VPS8: variants seen among roughly 807,000 people sequenced by gnomAD.
VPS8 encodes the protein VPS8 subunit of CORVET complex.
Under a neutral mutation model 216.4 loss-of-function variants are expected in VPS8, and 129 were observed. The observed-to-expected ratio is 0.60, with a 90% CI of 0.52 to 0.69. The LOEUF is 0.69. VPS8 is among the 30% of genes least tolerant of loss of function. VPS8 has a pLI of 0.00. For missense variants in VPS8, 1,531 were observed against 1,683.5 expected (o/e 0.91, Z 1.59); for synonymous variants, 571 against 565.4 (o/e 1.01, Z -0.14).
At chr3:185,006,929 CAATAGTTACCCT>C (rs1754341892) in intron 45 of VPS8, among the ~76,000 whole-genome samples, 1 of 152,202 alleles carries the variant, frequency 6.6e-6, no homozygotes, top group Non-Finnish European at 1.5e-5. Context: ...CTACAGGATG[CAATAGTTACCCT>C]CAAAACTATG....
chr3:184,858,132 G>T (rs1270297957), intron 14 of VPS8, among the ~76,000 whole-genome samples: 1 of 152,072 alleles, frequency 6.6e-6, no homozygotes, highest in East Asian at 1.9e-4. Context: ...TCAGGTGGTC[G>T]GGTGTATCTT....
chr3:184,964,147 A>G (rs1746996227), intron 37 of VPS8, among the ~76,000 whole-genome samples: 1 of 152,054 alleles, frequency 6.6e-6, no homozygotes, highest in African/African-American at 2.4e-5. Flanking sequence ...TAATAATTAT[A>G]CTTGATCAAG....
At position 184,920,118 on chromosome 3, in the gene VPS8, C is replaced by T. The variant is rs1426305196; in HGVS notation, c.2383-9C>T. 1 of 1,502,572 alleles carries T rather than the reference C, an allele frequency of 6.7e-7. No individual in the cohort carries two copies. Among genetic ancestry groups the T allele is most frequent in the Non-Finnish European group, 8.9e-7 (1 of 1,124,346 alleles). 93.1% of individuals were successfully genotyped at this position (1,502,572 alleles called of 1,614,324 possible). A position where few individuals can be genotyped will look rare whatever the true frequency, so the allele number is the denominator to read the frequency against. On this transcript the variant is annotated splice_polypyrimidine_tract_variant and intron_variant, in intron 28 of 47. Transcript: ENST00000625842. ...TAATTACTTTAAAAAATTTATTTCT[C>T]CCTTTTAGACTTTTGAAGATTTTAA...
chr3:184,851,619 AG>A (rs1200629312), intron 10 of VPS8, among the ~76,000 whole-genome samples: 1 of 152,180 alleles, frequency 6.6e-6, no homozygotes, highest in African/African-American at 2.4e-5. Flanking sequence ...GCACACACCT[AG>A]GGTATATGCT....
chr3:184,882,239 A>C (rs1008423072), intron 21 of VPS8: 5 of 359,250 alleles, frequency 1.4e-5, no homozygotes, highest in Admixed American at 1.1e-4. Context: ...AAGTTGAGGA[A>C]GTTCCCCTCT....
At chr3:184,974,794 C>A (rs1748994566) in intron 40 of VPS8, among the ~76,000 whole-genome samples, 1 of 152,268 alleles carries the variant, frequency 6.6e-6, no homozygotes, top group Non-Finnish European at 1.5e-5. Flanking sequence ...GTTTACCCAA[C>A]ACCATTTACT....
intron 14 of VPS8, among the ~76,000 whole-genome samples, chr3:184,856,170 G>A (rs2108687219): frequency 6.6e-6 from 1 of 152,322 alleles, no homozygotes; most frequent in Non-Finnish European, 1.5e-5. Flanking sequence ...CCTCTACACT[G>A]TGATGGGCAC....
In VPS8 at chr3:184,999,981, C is replaced by T. The variant is rs1010982589; in HGVS notation, c.4002+120C>T. 2.7e-5 allele frequency: 30 copies of T among 1,120,752 alleles called. No individual in the cohort carries two copies. The South Asian group carries it at 4.9e-4, about 18-fold the overall frequency. 69.4% of individuals were successfully genotyped at this position (1,120,752 alleles called of 1,614,324 possible). ...AAATTTACCTGGTGGGTATTGGGTA[C>T]ATGAAATGTTCTTTTCAGTCCTATT... On this transcript the variant is annotated intron_variant, in intron 45 of 47. Transcript: ENST00000625842.
intron 1 of VPS8, among the ~76,000 whole-genome samples, chr3:184,819,584 A>G (rs1439759362): frequency 6.6e-6 from 1 of 152,240 alleles, no homozygotes; most frequent in Non-Finnish European, 1.5e-5. Flanking sequence ...ATATATTGGA[A>G]TGAAGGGCCT....
chr3:184,863,105 C>T (rs1726675422), intron 16 of VPS8, 38 bp downstream of exon 16: 2 of 1,596,742 alleles, frequency 1.3e-6, no homozygotes, highest in South Asian at 2.2e-5. Context: ...CTAGAAAATA[C>T]TTTGATAAAC....
intron 42 of VPS8, among the ~76,000 whole-genome samples, chr3:184,993,038 A>T (rs1288838918): frequency 4.6e-5 from 7 of 152,180 alleles, no homozygotes; most frequent in African/African-American, 1.7e-4. Flanking sequence ...TGAATAAAAC[A>T]TGATATTTTC....
chr3:184,829,469 G>GC (rs911890959), intron 3 of VPS8, among the ~76,000 whole-genome samples: 1 of 152,164 alleles, frequency 6.6e-6, no homozygotes, highest in African/African-American at 2.4e-5. Flanking sequence ...GCCTGCCTTG[G>GC]CCCCCCAGAG....
intron 3 of VPS8, among the ~76,000 whole-genome samples, chr3:184,828,320 G>C (rs1017234797): frequency 3.3e-5 from 5 of 152,030 alleles, no homozygotes; most frequent in African/African-American, 1.2e-4. Flanking sequence ...TTATATTTTA[G>C]TAGAGACGGG....
At chr3:184,866,138 G>A (rs1279718829) in intron 16 of VPS8, among the ~76,000 whole-genome samples, 1 of 152,144 alleles carries the variant, frequency 6.6e-6, no homozygotes, top group Non-Finnish European at 1.5e-5. Flanking sequence ...ACCGAAGAGT[G>A]AAAACAATCT....
intron 43 of VPS8, among the ~76,000 whole-genome samples, chr3:184,994,486 C>G (rs1752352870): frequency 2.3e-5 from 1 of 43,476 alleles, no homozygotes; most frequent in African/African-American, 4.6e-5. Context: ...AGACCCTTCT[C>G]TGAAAAAAAA....
At chr3:184,867,074 C>CACAAAGGG in intron 17 of VPS8, 124 bp downstream of exon 17, 1 of 805,424 alleles carries the variant, frequency 1.2e-6, no homozygotes, top group Non-Finnish European at 1.9e-6. Context: ...ATCCTAAACC[C>CACAAAGGG]TTTGTGGTTA....
chr3:184,959,392 T>G (rs1258492224), intron 37 of VPS8, among the ~76,000 whole-genome samples: 1 of 152,148 alleles, frequency 6.6e-6, no homozygotes, highest in Non-Finnish European at 1.5e-5. Flanking sequence ...CTCATGAAAA[T>G]AACTATATTG....
chr3:184,986,239 C>T (rs1442071984), intron 42 of VPS8, among the ~76,000 whole-genome samples: 2 of 152,078 alleles, frequency 1.3e-5, no homozygotes, highest in African/African-American at 2.4e-5. Flanking sequence ...TCTATATACA[C>T]AAAGACTTTG....
chr3:184,909,180 C>T (rs1203590249), intron 25 of VPS8, among the ~76,000 whole-genome samples: 1 of 152,200 alleles, frequency 6.6e-6, no homozygotes, highest in African/African-American at 2.4e-5. Flanking sequence ...TATTGGTTTT[C>T]AAAACTACAG....
Sources: gnomAD v4.1 joint callset for allele counts (sites outside exome capture counted in the v4.1 genomes callset) on GRCh38, gnomAD v4.1.1 for gene constraint, MANE v1.5 for transcripts, NCBI Gene and HGNC (gene_info 2026-07-23, HGNC 2026-07-21) for gene names.